The following TSC22D3 variants were observed in gnomAD, a reference collection of about 807,000 sequenced individuals.
TSC22D3 encodes TSC22 domain family member 3, also known as TSC22 domain family protein 3.
A neutral mutation model predicts 11.1 loss-of-function variants in TSC22D3; 4 were observed. The observed-to-expected ratio is 0.36, with a 90% confidence interval of 0.18 to 0.83. The LOEUF (loss-of-function observed/expected upper bound fraction) is 0.83. Ranked by LOEUF, TSC22D3 falls within the 40% of genes least tolerant of loss-of-function variation. The pLI, the probability that TSC22D3 is intolerant of heterozygous loss-of-function variation, is 0.48. For synonymous variants in TSC22D3, 77 were observed against 70.3 expected (o/e 1.10, Z -0.48); for missense variants, 118 against 159.4 (o/e 0.74, Z 1.40).
At chrX:107,735,724 C>T (rs188697331) in intron 1 of TSC22D3, among the ~76,000 whole-genome samples, 143 of 108,781 alleles carry the variant, frequency 1.3e-3, no homozygotes, top group African/African-American at 4.5e-3. Context: ...CCTCAGCACC[C>T]GCCCCCCCAG....
intron 1 of TSC22D3, among the ~76,000 whole-genome samples, chrX:107,740,696 C>T (rs950790520): frequency 9.0e-6 from 1 of 110,890 alleles, no homozygotes; most frequent in African/African-American, 3.3e-5. Flanking sequence ...CCAGCAGATG[C>T]CAGAAGCTAA....
intron 1 of TSC22D3, among the ~76,000 whole-genome samples, chrX:107,739,145 G>A (rs982733222): frequency 1.8e-5 from 2 of 112,963 alleles, no homozygotes; most frequent in Admixed American, 9.3e-5. Context: ...GCCAACCATC[G>A]GAAGTGCCCT....
intron 1 of TSC22D3, among the ~76,000 whole-genome samples, chrX:107,755,788 C>T (rs897451241): frequency 6.2e-5 from 7 of 112,066 alleles, no homozygotes; most frequent in Admixed American, 9.5e-5. Context: ...TGACTTGCTT[C>T]CTGGAAATAC....
chrX:107,720,746 G>A (rs1209597753), intron 1 of TSC22D3, among the ~76,000 whole-genome samples: 20 of 94,556 alleles, frequency 2.1e-4, no homozygotes, highest in African/African-American at 7.7e-4. Flanking sequence ...AAGGGCAGGG[G>A]AGATAAGGGT....
At chrX:107,741,667 C>T (rs1285334529) in intron 1 of TSC22D3, among the ~76,000 whole-genome samples, 2 of 112,229 alleles carry the variant, frequency 1.8e-5, no homozygotes, top group East Asian at 5.6e-4. Flanking sequence ...TTGCTCAGTG[C>T]CTGGAGACCA....
intron 1 of TSC22D3, among the ~76,000 whole-genome samples, chrX:107,722,521 T>C (rs988382486): frequency 2.7e-5 from 3 of 111,144 alleles, no homozygotes; most frequent in African/African-American, 9.8e-5. Context: ...TGCTGGGGGG[T>C]GGTTTGTTCT....
chrX:107,737,441 C>T (rs1434025594), intron 1 of TSC22D3, among the ~76,000 whole-genome samples: 1 of 111,842 alleles, frequency 8.9e-6, no homozygotes, highest in Non-Finnish European at 1.9e-5. Context: ...TGGGGTCTTC[C>T]TGCACTGGGA....
At chrX:107,718,358 TC>T (rs1927165251) in intron 1 of TSC22D3, among the ~76,000 whole-genome samples, 1 of 112,569 alleles carries the variant, frequency 8.9e-6, no homozygotes, top group Non-Finnish European at 1.9e-5. Flanking sequence ...AACATTGGGT[TC>T]CACCACATAT....
intron 1 of TSC22D3, among the ~76,000 whole-genome samples, chrX:107,737,759 C>T (rs758137841): frequency 8.9e-6 from 1 of 111,949 alleles, no homozygotes; most frequent in Non-Finnish European, 1.9e-5. Context: ...TAGCTTTTCT[C>T]AACGTGTTTT....
chrX:107,741,485 TG>T (rs1314731694), intron 1 of TSC22D3, among the ~76,000 whole-genome samples: 2 of 112,957 alleles, frequency 1.8e-5, no homozygotes, highest in Non-Finnish European at 3.8e-5. Flanking sequence ...TTAATGAATA[TG>T]GATGGCAAAG....
intron 1 of TSC22D3, among the ~76,000 whole-genome samples, chrX:107,748,907 C>T (rs1397269729): frequency 8.9e-6 from 1 of 111,932 alleles, no homozygotes; most frequent in Non-Finnish European, 1.9e-5. Context: ...GCTTTGCTTA[C>T]CATCTTAATT....
chrX:107,725,121 G>GT (rs1252030350), intron 1 of TSC22D3, among the ~76,000 whole-genome samples: 2 of 112,547 alleles, frequency 1.8e-5, no homozygotes, highest in African/African-American at 3.2e-5. Context: ...CTCTCCTGGA[G>GT]TTCTTCATTT....
chrX:107,732,753 C>T (rs1417887700), intron 1 of TSC22D3, among the ~76,000 whole-genome samples: 1 of 110,927 alleles, frequency 9.0e-6, no homozygotes, highest in Non-Finnish European at 1.9e-5. Context: ...CTGGACTTTG[C>T]TGCCCTGGGA....
At chrX:107,764,894 T>C (rs1929594293) in intron 1 of TSC22D3, among the ~76,000 whole-genome samples, 2 of 111,725 alleles carry the variant, frequency 1.8e-5, no homozygotes, top group African/African-American at 3.3e-5. Flanking sequence ...GCCTCCCTAC[T>C]CCCAGGCCCC....
chrX:107,746,356 A>G (rs746653789), intron 1 of TSC22D3, among the ~76,000 whole-genome samples: 17 of 111,733 alleles, frequency 1.5e-4, no homozygotes, highest in Non-Finnish European at 3.0e-4. Context: ...CAGGCCCAAG[A>G]TTGAGGACAG....
chrX:107,765,673 T>C (rs1363888841), intron 1 of TSC22D3, among the ~76,000 whole-genome samples: 1 of 112,597 alleles, frequency 8.9e-6, no homozygotes, highest in African/African-American at 3.2e-5. Flanking sequence ...CTTTTTCTTA[T>C]TATTTATTAT....
chrX:107,762,581 T>G (rs1162384504), intron 1 of TSC22D3, among the ~76,000 whole-genome samples: 3 of 111,486 alleles, frequency 2.7e-5, no homozygotes, highest in Non-Finnish European at 3.8e-5. Context: ...ACTCTCACAC[T>G]TTTATCCAAT....
chrX:107,757,678 T>C (rs1433095608), intron 1 of TSC22D3, among the ~76,000 whole-genome samples: 1 of 108,324 alleles, frequency 9.2e-6, no homozygotes, highest in African/African-American at 3.4e-5. Flanking sequence ...CACCCTTGCC[T>C]CTGCTCTCTT....
At chrX:107,774,504 G>T (rs767156958) in intron 1 of TSC22D3, among the ~76,000 whole-genome samples, 26 of 111,501 alleles carry the variant, frequency 2.3e-4, no homozygotes, top group Non-Finnish European at 3.8e-4. Context: ...GAAATTTAAC[G>T]CTGTGATCCA....
Sources: allele counts gnomAD v4.1 joint callset (sites outside exome capture counted in the v4.1 genomes callset), GRCh38; gene constraint gnomAD v4.1.1; transcripts MANE v1.5; gene names NCBI Gene and HGNC (gene_info 2026-07-23, HGNC 2026-07-21).